UBXN2A: variants seen among roughly 807,000 people sequenced by gnomAD.
UBXN2A encodes the protein UBX domain-containing protein 2A.
Under a neutral mutation model 28.4 loss-of-function variants are expected in UBXN2A, and 28 were observed. The observed-to-expected ratio is 0.99, with a 90% CI of 0.73 to 1.35. UBXN2A has a LOEUF of 1.35. Among genes scored for constraint, UBXN2A ranks in the 40% most tolerant of loss-of-function variants. UBXN2A has a pLI of 0.00. For synonymous variants in UBXN2A, 97 were observed against 103.6 expected (o/e 0.94, Z 0.39); for missense variants, 253 against 297.9 (o/e 0.85, Z 1.11).
rs1708730668 is a variant in UBXN2A at position 24,001,890 on chromosome 2, G to A, written c.*2023G>A. 1.3e-5 allele frequency: 2 copies of A among 152,192 alleles called. No homozygotes were observed. The highest frequency in any genetic ancestry group is 4.8e-5 in the African/African-American group (2 of 41,524). 9.4% of individuals were successfully genotyped at this position (152,192 alleles called of 1,614,324 possible). ...GGAGGAGAATGGCTTGAACCCGGGA[G>A]GTGGAGGTTTCAGTGAGCCGAGATT... is the stretch of plus-strand genomic sequence containing the variant. On this transcript the variant is annotated 3_prime_UTR_variant, in exon 7 of 7. Transcript: ENST00000309033.
chr2:23,990,206 G>T (rs1318565158), intron 6 of UBXN2A, among the ~76,000 whole-genome samples: 1 of 151,496 alleles, frequency 6.6e-6, no homozygotes, highest in Non-Finnish European at 1.5e-5. Flanking sequence ...CACACTGCTT[G>T]ACTTGAGGAC....
At chr2:23,939,335 T>C (rs575026840), upstream of UBXN2A, among the ~76,000 whole-genome samples, 37 of 151,796 alleles carry the variant, frequency 2.4e-4, no homozygotes, top group African/African-American at 8.2e-4. Context: ...AGAGTGGGGA[T>C]TGGGGGAGGC....
intron 6 of UBXN2A, among the ~76,000 whole-genome samples, chr2:23,993,689 TA>T (rs1708432129): frequency 7.1e-6 from 1 of 139,998 alleles, no homozygotes; most frequent in Admixed American, 8.4e-5. Flanking sequence ...TTTAATTTTT[TA>T]ATTTTTTTTT....
chr2:23,997,976 T>A (rs533003684), intron 6 of UBXN2A, among the ~76,000 whole-genome samples: 11 of 152,046 alleles, frequency 7.2e-5, no homozygotes, highest in African/African-American at 2.7e-4. Context: ...CACACCCAGA[T>A]AATTTTTGTA....
intron 1 of UBXN2A, among the ~76,000 whole-genome samples, chr2:23,951,194 A>T (rs1706343260): frequency 6.6e-6 from 1 of 151,764 alleles, no homozygotes; most frequent in African/African-American, 2.4e-5. Flanking sequence ...GATTATTTTG[A>T]ATTAGTTGAA....
intron 1 of UBXN2A, among the ~76,000 whole-genome samples, chr2:23,943,061 T>C (rs1024591948): frequency 6.6e-6 from 1 of 151,174 alleles, no homozygotes; most frequent in Non-Finnish European, 1.5e-5. Context: ...GTTCAAACGA[T>C]TCTCCTGCCT....
intron 1 of UBXN2A, among the ~76,000 whole-genome samples, chr2:23,933,403 G>A (rs1464564529): frequency 6.6e-6 from 1 of 152,146 alleles, no homozygotes; most frequent in Non-Finnish European, 1.5e-5. Flanking sequence ...CTACTCGGGA[G>A]TCTGAGGCAG....
upstream of UBXN2A, among the ~76,000 whole-genome samples, chr2:23,938,194 G>A (rs1326946222): frequency 1.3e-5 from 2 of 152,156 alleles, no homozygotes; most frequent in South Asian, 4.1e-4. Context: ...GGCTGGGTGT[G>A]TTGGCTCACA....
chr2:23,983,102 A>G, intron 5 of UBXN2A, 69 bp downstream of exon 5: 1 of 1,388,404 alleles, frequency 7.2e-7, no homozygotes, highest in Non-Finnish European at 9.4e-7. Context: ...TCAGTATTTT[A>G]CCCATGTAGA....
intron 1 of UBXN2A, among the ~76,000 whole-genome samples, chr2:23,929,313 A>T (rs1281755199): frequency 6.6e-6 from 1 of 151,946 alleles, no homozygotes; most frequent in Non-Finnish European, 1.5e-5. Context: ...AGGCGCCATC[A>T]GTCACTTGAG....
At chr2:23,977,896 A>T (rs1246858280) in intron 4 of UBXN2A, among the ~76,000 whole-genome samples, 1 of 151,980 alleles carries the variant, frequency 6.6e-6, no homozygotes, top group Non-Finnish European at 1.5e-5. Flanking sequence ...CAGTGACATG[A>T]TCTCAGCTCA....
At chr2:23,987,811 A>G (rs978110639) in intron 6 of UBXN2A, among the ~76,000 whole-genome samples, 2 of 150,172 alleles carry the variant, frequency 1.3e-5, no homozygotes, top group Non-Finnish European at 1.5e-5. Flanking sequence ...CTTACAGAAA[A>G]TGTTCAAGAA....
chr2:23,995,649 C>T (rs1355136443), intron 6 of UBXN2A, among the ~76,000 whole-genome samples: 5 of 149,022 alleles, frequency 3.4e-5, no homozygotes, highest in Admixed American at 2.0e-4. Flanking sequence ...GCCAAGATCA[C>T]GCCACTGCAC....
In UBXN2A at chr2:23,984,681, CA is replaced by C; in HGVS notation, c.439del (p.Ile147LeufsTer21). On this transcript the variant is annotated frameshift_variant, in exon 6 of 7. Transcript: ENST00000309033. LOFTEE classifies it high-confidence loss of function. Reference sequence around the variant, plus strand: ...TGTCTGGATTTCCTTAGTGCCACACCAAAAATTGTTTCTAAAGCAAAGAATA... The same window carrying C: ...TGTCTGGATTTCCTTAGTGCCACACCAAAATTGTTTCTAAAGCAAAGAATA... The part of the protein sequence containing the change: ...GQGHRLGSAT[P>X]KIVSKAKNIE... The C allele has an allele frequency of 6.6e-7, 1 of 1,518,544 alleles. No homozygotes were observed. Among genetic ancestry groups the C allele is most frequent in the East Asian group, 2.5e-5 (1 of 40,160 alleles). 94.1% of individuals were successfully genotyped at this position (1,518,544 alleles called of 1,614,324 possible).
chr2:23,966,714 GTGCTAGGAT>G (rs1430117836), intron 2 of UBXN2A, among the ~76,000 whole-genome samples: 1 of 143,800 alleles, frequency 7.0e-6, no homozygotes, highest in Non-Finnish European at 1.5e-5. Flanking sequence ...GCCTCCCAAA[GTGCTAGGAT>G]TACAGGCGTG....
intron 4 of UBXN2A, among the ~76,000 whole-genome samples, chr2:23,981,476 TAAAAAAAAAAAAAAAAA>T (rs55665209): frequency 3.5e-5 from 1 of 28,910 alleles, no homozygotes; most frequent in Admixed American, 7.0e-4. Context: ...AGCTCCTATC[TAAAAAAAAAAAAAAAAA>T]AAAAAAAAAA....
chr2:23,967,446 A>G (rs1362611368), intron 2 of UBXN2A, among the ~76,000 whole-genome samples: 1 of 152,206 alleles, frequency 6.6e-6, no homozygotes, highest in African/African-American at 2.4e-5. Context: ...AATATTTGAG[A>G]GTGTACTGTG....
At chr2:23,968,362 G>A (rs1707258863) in intron 2 of UBXN2A, among the ~76,000 whole-genome samples, 1 of 152,186 alleles carries the variant, frequency 6.6e-6, no homozygotes, top group African/African-American at 2.4e-5. Flanking sequence ...GGGAGACAGA[G>A]TGGCAGCATG....
At chr2:23,974,976 C>CAA (rs763814077) in intron 3 of UBXN2A, among the ~76,000 whole-genome samples, 2 of 124,886 alleles carry the variant, frequency 1.6e-5, no homozygotes, top group Non-Finnish European at 1.7e-5. Flanking sequence ...AAGACTGTCT[C>CAA]AAAAAAAAAA....
Sources: gnomAD v4.1 joint callset for allele counts (sites outside exome capture counted in the v4.1 genomes callset) on GRCh38, gnomAD v4.1.1 for gene constraint, MANE v1.5 for transcripts, NCBI Gene and HGNC (gene_info 2026-07-23, HGNC 2026-07-21) for gene names.